MIPEP: variants seen among roughly 807,000 people sequenced by gnomAD.
The protein encoded by MIPEP is mitochondrial intermediate peptidase.
In MIPEP, 79 loss-of-function variants were observed where a neutral mutation model predicts 90.3. The observed-to-expected ratio is 0.87, with a 90% confidence interval of 0.73 to 1.05. The LOEUF is 1.05. Ranked by LOEUF, MIPEP falls within the 50% of genes least tolerant of loss-of-function variation. The pLI is 0.00. For missense variants in MIPEP, 940 were observed against 905.6 expected (o/e 1.04, Z -0.49); for synonymous variants, 334 against 315.8 (o/e 1.06, Z -0.61).
chr13:23,886,885 G>A (rs1871508437), intron 1 of MIPEP, among the ~76,000 whole-genome samples: 1 of 151,704 alleles, frequency 6.6e-6, no homozygotes, highest in Admixed American at 6.6e-5. Context: ...ATTTATAGAT[G>A]TTAGCCATAA....
Position 23,886,487 on chromosome 13 carries a change from T to C in MIPEP, c.209A>G (p.Glu70Gly). 6.3e-7 allele frequency: 1 copy of C among 1,595,138 alleles called. No individual in the cohort carries two copies. Among genetic ancestry groups the C allele is most frequent in the Non-Finnish European group, 8.5e-7 (1 of 1,170,906 alleles). ...ATGAAATCCTTCTGGGGCACTCAGC[T>C]CAGGAACTCCAAAAAGACCCTTAGA... is the stretch of plus-strand genomic sequence containing the variant. ...GERRGLFGVP[E>G]LSAPEGFHIA... Residue 70 changes from glutamate to glycine, a missense_variant, in exon 2 of 19, where the codon GAG becomes GGG. Glu to Gly is a moderately conservative substitution (Grantham distance 98). Coordinates refer to ENST00000382172, the MANE Select transcript of MIPEP (RefSeq NM_005932.4).
intron 1 of MIPEP, among the ~76,000 whole-genome samples, chr13:23,887,518 A>G (rs1412982744): frequency 6.6e-6 from 1 of 152,118 alleles, no homozygotes; most frequent in Admixed American, 6.6e-5. Flanking sequence ...TAAAGCCCAC[A>G]CTTTTCCATA....
chr13:23,768,235 C>T (rs1266991875), intron 16 of MIPEP, among the ~76,000 whole-genome samples: 1 of 152,196 alleles, frequency 6.6e-6, no homozygotes, highest in East Asian at 1.9e-4. Flanking sequence ...TTACACCCGG[C>T]TTGATTTTAC....
chr13:23,749,955 C>T (rs944031622), intron 18 of MIPEP, among the ~76,000 whole-genome samples: 1 of 152,078 alleles, frequency 6.6e-6, no homozygotes, highest in Admixed American at 6.5e-5. Flanking sequence ...ACCTCCGTGC[C>T]CCTCCCTCCC....
At chr13:23,828,464 G>C (rs1868577917) in intron 14 of MIPEP, among the ~76,000 whole-genome samples, 1 of 152,170 alleles carries the variant, frequency 6.6e-6, no homozygotes, top group Non-Finnish European at 1.5e-5. Flanking sequence ...GAATTAATAA[G>C]AAAGTTTAGC....
intron 14 of MIPEP, among the ~76,000 whole-genome samples, chr13:23,819,431 T>C (rs955122541): frequency 2.0e-5 from 3 of 152,188 alleles, no homozygotes; most frequent in Non-Finnish European, 4.4e-5. Context: ...TCCCACCTTA[T>C]AAAGCCCACT....
intron 18 of MIPEP, among the ~76,000 whole-genome samples, chr13:23,735,334 T>A (rs956943791): frequency 3.9e-5 from 6 of 152,146 alleles, no homozygotes; most frequent in African/African-American, 1.4e-4. Flanking sequence ...TGCTTCTTCT[T>A]GCCTATTAAA....
chr13:23,869,598 G>T, intron 6 of MIPEP, 150 bp from the exon 7 acceptor site: 1 of 730,824 alleles, frequency 1.4e-6, no homozygotes, highest in Non-Finnish European at 2.1e-6. Flanking sequence ...AAAGCTTCCA[G>T]AGTCATAAAA....
chr13:23,799,000 GTTTT>G (rs765292524), intron 16 of MIPEP, among the ~76,000 whole-genome samples: 3 of 88,900 alleles, frequency 3.4e-5, no homozygotes, highest in African/African-American at 4.7e-5. Flanking sequence ...AATTTTTTTG[GTTTT>G]TTTTTTTTTT....
intron 16 of MIPEP, among the ~76,000 whole-genome samples, chr13:23,778,434 G>C (rs9553062): frequency 1.3e-5 from 2 of 151,964 alleles, no homozygotes; most frequent in Non-Finnish European, 2.9e-5. Flanking sequence ...TTGGGGGCAC[G>C]AATCACCATA....
Position 23,858,884 on chromosome 13 carries a change from T to C in MIPEP, c.1082A>G (p.Tyr361Cys). ...SEVMPWDPPY[Y>C]SGVIRAERYN... Reference sequence around the variant, plus strand: ...CCTTTCTGCACGAATCACACCACTGTAGTAAGGGGGGTCCCAGGGCATTAC... The same window carrying C: ...CCTTTCTGCACGAATCACACCACTGCAGTAAGGGGGGTCCCAGGGCATTAC... Residue 361 changes from tyrosine (Y) to cysteine (C), a missense_variant, in exon 10 of 19, where the codon TAC becomes TGC. Physicochemically the swap from Tyr to Cys is radical, Grantham distance 194 (BLOSUM62 -2). Coordinates refer to ENST00000382172, the MANE Select transcript of MIPEP (RefSeq NM_005932.4). The C allele has an allele frequency of 1.2e-6, 2 of 1,613,540 alleles. No individual in the cohort carries two copies. The highest frequency in any genetic ancestry group is 1.7e-6 in the Non-Finnish European group (2 of 1,179,608).
At chr13:23,800,263 C>A (rs1347442214) in intron 16 of MIPEP, among the ~76,000 whole-genome samples, 1 of 152,218 alleles carries the variant, frequency 6.6e-6, no homozygotes, top group African/African-American at 2.4e-5. Flanking sequence ...GACTGTATCT[C>A]AACTGTGTCA....
At chr13:23,807,617 A>G (rs1336835978) in intron 15 of MIPEP, among the ~76,000 whole-genome samples, 1 of 152,242 alleles carries the variant, frequency 6.6e-6, no homozygotes, top group Non-Finnish European at 1.5e-5. Flanking sequence ...ATAGCTAAAT[A>G]TAGCTCTTTC....
intron 13 of MIPEP, 62 bp from the exon 14 acceptor site, chr13:23,836,411 T>C (rs941587150): frequency 6.3e-5 from 60 of 958,668 alleles, no homozygotes; most frequent in Non-Finnish European, 8.6e-5. Context: ...CTACTTTTTG[T>C]GTGCCCTTTA....
chr13:23,838,544 C>T (rs1426875707), intron 12 of MIPEP, among the ~76,000 whole-genome samples: 2 of 152,228 alleles, frequency 1.3e-5, no homozygotes, highest in Non-Finnish European at 2.9e-5. Flanking sequence ...AGGCACTACA[C>T]TGAGACTCAC....
rs375847528 is a variant in MIPEP, at chr13:23,870,154, C to G, written c.645G>C (p.Leu215Phe). 3 of 1,609,018 alleles carry G rather than the reference C, an allele frequency of 1.9e-6. No homozygotes were observed. Among genetic ancestry groups the G allele is most frequent in the African/African-American group, 2.7e-5 (2 of 74,774 alleles). ...TGGTTCCCATAAGAAATGTACTACT[C>G]AAATCCAAGATTTTAACATTGAGGT... ...AVDLNVKILD[L>F]SSTFLMGTNF... The change falls in exon 6 of 19, where the codon TTG becomes TTC. Residue 215 changes from leucine to phenylalanine, a missense_variant. Physicochemically the swap from Leu to Phe is conservative, Grantham distance 22. Transcript: ENST00000382172.
rs149235976 is a variant in MIPEP, at chr13:23,882,686, A to G, written c.364-899T>C. On this transcript the variant is annotated intron_variant, in intron 2 of 18. Transcript: ENST00000382172. ...TTTTATTTGCCAAGAAAATGTGACT[A>G]TAACATGAAATAAAATCACCACAAG... Among the ~76,000 whole-genome samples, 769 of 152,308 alleles carry G rather than the reference A, an allele frequency of 5.0e-3. 8 individuals carry two copies. The highest frequency in any genetic ancestry group is 0.018 in the African/African-American group (737 of 41,564).
At chr13:23,871,560 G>T (rs1870810488) in intron 5 of MIPEP, among the ~76,000 whole-genome samples, 1 of 152,142 alleles carries the variant, frequency 6.6e-6, no homozygotes, top group African/African-American at 2.4e-5. Flanking sequence ...TTCTGGGAGA[G>T]GAGATAGCAA....
chr13:23,776,433 G>A (rs1277254649), intron 16 of MIPEP, among the ~76,000 whole-genome samples: 1 of 152,104 alleles, frequency 6.6e-6, no homozygotes, highest in Non-Finnish European at 1.5e-5. Context: ...AAGCAACTAA[G>A]CCCAGATTAA....
Sources: allele counts gnomAD v4.1 joint callset (sites outside exome capture counted in the v4.1 genomes callset), GRCh38; gene constraint gnomAD v4.1.1; transcripts MANE v1.5; gene names NCBI Gene and HGNC (gene_info 2026-07-23, HGNC 2026-07-21).